The following CRACD variants were observed in gnomAD, a reference collection of about 807,000 sequenced individuals.
The protein encoded by CRACD is capping protein-inhibiting regulator of actin dynamics.
A neutral mutation model predicts 106.8 loss-of-function variants in CRACD; 56 were observed. That is an observed-to-expected ratio of 0.52 (90% confidence interval 0.42 to 0.66). The LOEUF is 0.66. CRACD is among the 30% of genes least tolerant of loss of function. The pLI is 0.00. For synonymous variants in CRACD, 754 were observed against 670.8 expected, an observed-to-expected ratio of 1.12 and a Z score of -1.92; for missense variants, 1,730 against 1,623.2, an observed-to-expected ratio of 1.07 and a Z score of -1.13.
chr4:56,297,988 G>C (rs1396636905), intron 3 of CRACD: 1 of 421,082 alleles, frequency 2.4e-6, no homozygotes, highest in South Asian at 4.2e-5. Flanking sequence ...CTGTCTTTGT[G>C]TTCTCACGGT....
At chr4:56,180,870 T>G (rs1338528136) in intron 2 of CRACD, among the ~76,000 whole-genome samples, 1 of 152,242 alleles carries the variant, frequency 6.6e-6, no homozygotes, top group Non-Finnish European at 1.5e-5. Flanking sequence ...GTCAGTCTGA[T>G]TTCTTGTAAT....
chr4:56,283,970 A>G (rs1743176489), intron 3 of CRACD, among the ~76,000 whole-genome samples: 1 of 152,196 alleles, frequency 6.6e-6, no homozygotes, highest in Non-Finnish European at 1.5e-5. Context: ...GAGGCTGAAC[A>G]GCCTCCTGAC....
intron 1 of CRACD, among the ~76,000 whole-genome samples, chr4:56,172,762 T>C (rs1736426618): frequency 6.6e-6 from 1 of 152,190 alleles, no homozygotes; most frequent in East Asian, 1.9e-4. Flanking sequence ...CAGCTGGGAC[T>C]ACAGTTGCGT....
chr4:56,154,563 A>G (rs990561181), intron 1 of CRACD, among the ~76,000 whole-genome samples: 2 of 152,204 alleles, frequency 1.3e-5, no homozygotes, highest in Non-Finnish European at 2.9e-5. Flanking sequence ...AGGAAAACAG[A>G]ATCTGTGAGA....
intron 2 of CRACD, among the ~76,000 whole-genome samples, chr4:56,230,553 C>T (rs1739561336): frequency 6.6e-6 from 1 of 152,098 alleles, no homozygotes; most frequent in South Asian, 2.1e-4. Context: ...CATAGCCTTG[C>T]TTTAGCTTCT....
In CRACD at chr4:56,329,102, CAT is replaced by C. The variant is rs1382930433; in HGVS notation, c.*1299_*1300del. On this transcript the variant is annotated 3_prime_UTR_variant, in exon 11 of 11. Coordinates refer to ENST00000682029, the MANE Select transcript of CRACD (RefSeq NM_001393381.1). ...TAAGTGGCCTTTTTATCATCATACA[CAT>C]GTGCATACAAAGAAGGGACTTGGCA... 6.6e-6 allele frequency among the ~76,000 whole-genome samples: 1 copy of C among 152,218 alleles called. No individual in the cohort carries two copies. Among genetic ancestry groups the C allele is most frequent in the African/African-American group, 2.4e-5 (1 of 41,454 alleles).
chr4:56,188,473 C>T (rs1403847556), intron 2 of CRACD, among the ~76,000 whole-genome samples: 3 of 151,976 alleles, frequency 2.0e-5, no homozygotes, highest in Non-Finnish European at 4.4e-5. Flanking sequence ...ATCTTCTCTT[C>T]TCCATCTCTT....
chr4:56,157,183 A>G lies in CRACD; in HGVS notation c.-335-22101A>G, dbSNP rs1414815872. Among the ~76,000 whole-genome samples, 7 of 152,210 alleles carry G rather than the reference A, an allele frequency of 4.6e-5. No individual in the cohort carries two copies. The East Asian group carries it at 1.3e-3, about 29-fold the overall frequency. On this transcript the variant is annotated intron_variant, in intron 1 of 10. Coordinates refer to ENST00000682029, the MANE Select transcript of CRACD (RefSeq NM_001393381.1). ...TATGGAGATAAGATTCCTGATGGAA[A>G]AAGTATCTTTGAAAATCAAAGGGCC...
At chr4:56,207,745 CATATATATATATAT>C (rs58423475) in intron 2 of CRACD, among the ~76,000 whole-genome samples, 35 of 106,170 alleles carry the variant, frequency 3.3e-4, no homozygotes, top group African/African-American at 1.1e-3. Context: ...CTTGTTTTCT[CATATATATATATAT>C]ATATATATAT....
At chr4:56,262,083 G>T (rs544775479) in intron 2 of CRACD, among the ~76,000 whole-genome samples, 1 of 152,134 alleles carries the variant, frequency 6.6e-6, no homozygotes, top group Non-Finnish European at 1.5e-5. Context: ...TTTTGTACAC[G>T]TCAGATGGTT....
chr4:56,104,078 GTTA>G (rs1482762698), intron 1 of CRACD, among the ~76,000 whole-genome samples: 2 of 152,116 alleles, frequency 1.3e-5, no homozygotes, highest in Admixed American at 1.3e-4. Context: ...CCAGCCCGTT[GTTA>G]TTATTCTTAA....
At chr4:56,212,417 A>G (rs1244869276) in intron 2 of CRACD, among the ~76,000 whole-genome samples, 1 of 152,200 alleles carries the variant, frequency 6.6e-6, no homozygotes, top group Non-Finnish European at 1.5e-5. Flanking sequence ...TGTTCTGTCT[A>G]TGAAGTAGCC....
chr4:56,063,636 C>G (rs1190934111), intron 1 of CRACD, among the ~76,000 whole-genome samples: 1 of 151,950 alleles, frequency 6.6e-6, no homozygotes, highest in Non-Finnish European at 1.5e-5. Flanking sequence ...TAAGTGGGAT[C>G]GTAGAATGTT....
At chr4:56,161,559 C>T (rs1202451985) in intron 1 of CRACD, among the ~76,000 whole-genome samples, 1 of 151,836 alleles carries the variant, frequency 6.6e-6, no homozygotes, top group Non-Finnish European at 1.5e-5. Flanking sequence ...TCAAGCGATT[C>T]TGCTGCCTCA....
intron 2 of CRACD, among the ~76,000 whole-genome samples, chr4:56,189,711 C>G (rs1417863310): frequency 6.6e-6 from 1 of 151,100 alleles, no homozygotes; most frequent in South Asian, 2.1e-4. Context: ...ATCCATGCCC[C>G]TACAAAGGAC....
rs1745604030 is a variant in CRACD, at chr4:56,315,911, T to G, written c.2409T>G (p.Leu803=). The change falls in exon 8 of 11, where the codon CTT becomes CTG. Residue 803 remains leucine (L), a synonymous_variant. Transcript: ENST00000682029. This position sits in a 1 kb window ranked among gnomAD's most constrained non-coding sequence, Gnocchi z 4.1. Reference sequence around the variant, plus strand: ...TCCCGTCTTTCCTTGTCCCAAGCCTTCCTTACCCTCCGCAGAAAGTGGTGG... The same window carrying G: ...TCCCGTCTTTCCTTGTCCCAAGCCTGCCTTACCCTCCGCAGAAAGTGGTGG... The part of the protein sequence containing the change: ...KDLPSFLVPS[L]PYPPQKVVAH... 2 of 1,614,036 alleles carry G rather than the reference T, an allele frequency of 1.2e-6. No homozygotes were observed. Among genetic ancestry groups the G allele is most frequent in the Non-Finnish European group, 1.7e-6 (2 of 1,180,000 alleles).
chr4:56,233,692 C>T (rs569783260), intron 2 of CRACD, among the ~76,000 whole-genome samples: 7 of 152,242 alleles, frequency 4.6e-5, no homozygotes, highest in African/African-American at 1.4e-4. Flanking sequence ...TTAGATACTT[C>T]GCAGTTTCAT....
chr4:56,268,985 A>AT (rs1260245379), intron 2 of CRACD, among the ~76,000 whole-genome samples: 2 of 152,156 alleles, frequency 1.3e-5, no homozygotes, highest in Non-Finnish European at 2.9e-5. Context: ...CAAACCCTCT[A>AT]TTTTTTGTAA....
intron 1 of CRACD, among the ~76,000 whole-genome samples, chr4:56,090,706 T>G (rs1733399553): frequency 6.6e-6 from 1 of 152,126 alleles, no homozygotes; most frequent in Admixed American, 6.5e-5. Flanking sequence ...GGGCCAGGGA[T>G]TTTTGAAATG....
Sources: gnomAD v4.1 joint callset for allele counts (sites outside exome capture counted in the v4.1 genomes callset) on GRCh38, gnomAD v4.1.1 for gene constraint, Gnocchi (gnomAD v3.1) non-coding constraint, MANE v1.5 for transcripts, NCBI Gene and HGNC (gene_info 2026-07-23, HGNC 2026-07-21) for gene names.